Variants in PROCR observed in about 807,000 individuals in gnomAD.
PROCR encodes the protein protein C receptor.
A neutral mutation model predicts 24.2 loss-of-function variants in PROCR; 22 were observed. The ratio of observed to expected loss-of-function variants is 0.91; its 90% CI spans 0.65 to 1.30. The LOEUF (loss-of-function observed/expected upper bound fraction) is 1.30, where lower values mean the gene tolerates loss of function less well. PROCR is among the 50% of genes most tolerant of loss of function. The probability of loss-of-function intolerance (pLI) is 0.00; values close to 1 mark genes in which losing one functional copy is unlikely to be tolerated. For missense variants in PROCR, 288 were observed against 307.7 expected, an observed-to-expected ratio of 0.94 and a Z score of 0.48; for synonymous variants, 137 against 139.2, an observed-to-expected ratio of 0.98 and a Z score of 0.11.
At position 35,173,698 on chromosome 20, in the gene PROCR, G is replaced by T. The variant is rs187788466; in HGVS notation, c.71-1004G>T. On this transcript the variant is annotated intron_variant, in intron 1 of 3. Transcript: ENST00000216968. Reference sequence around the variant, plus strand: ...GCCCGCCTCGGCCTCCCAAAGTACTGGGATTACAGGCATGAGCCACCGCGC... The same window carrying T: ...GCCCGCCTCGGCCTCCCAAAGTACTTGGATTACAGGCATGAGCCACCGCGC... 2.5e-3 allele frequency among the ~76,000 whole-genome samples: 373 copies of T among 152,110 alleles called. 1 individual carries two copies. The highest frequency in any genetic ancestry group is 8.6e-3 in the African/African-American group (359 of 41,510).
At chr20:35,189,274 G>A (rs1006489858) in intron 1 of PROCR, among the ~76,000 whole-genome samples, 1 of 141,264 alleles carries the variant, frequency 7.1e-6, no homozygotes, top group Non-Finnish European at 1.6e-5. Flanking sequence ...CCGGGGGGGG[G>A]CCTCTAAAAT....
chr20:35,205,908 C>T (rs981360537), intron 1 of PROCR, among the ~76,000 whole-genome samples: 1 of 136,050 alleles, frequency 7.4e-6, no homozygotes, highest in African/African-American at 2.7e-5. Context: ...CTCCGGTGAT[C>T]CCCCCCCCAA....
chr20:35,193,296 C>A (rs2086189709), intron 1 of PROCR, among the ~76,000 whole-genome samples: 2 of 152,138 alleles, frequency 1.3e-5, no homozygotes, highest in Non-Finnish European at 2.9e-5. Flanking sequence ...CTGCCACAGC[C>A]CCCCGAGTAG....
rs767268282 is a variant in PROCR at position 35,176,816 on chromosome 20, A to C, written c.*3A>C. On this transcript the variant is annotated 3_prime_UTR_variant, in exon 4 of 4. Transcript: ENST00000216968. ...GCACAGGTGGACGGCGATGTTAATTACTCTCCAGCCCCCTCAGAAGGGGCT... is the reference window on the plus strand; with the variant it reads ...GCACAGGTGGACGGCGATGTTAATTCCTCTCCAGCCCCCTCAGAAGGGGCT... 1.6e-5 allele frequency: 26 copies of C among 1,613,190 alleles called. No individual in the cohort carries two copies. The highest frequency in any genetic ancestry group is 2.0e-5 in the Non-Finnish European group (24 of 1,179,766).
intron 1 of PROCR, among the ~76,000 whole-genome samples, chr20:35,193,527 C>T (rs2086191543): frequency 6.6e-6 from 1 of 152,164 alleles, no homozygotes; most frequent in African/African-American, 2.4e-5. Context: ...ACTTTGTGAA[C>T]ATTCACTAAG....
At chr20:35,209,169 G>C (rs1320044688) in intron 1 of PROCR, among the ~76,000 whole-genome samples, 1 of 152,124 alleles carries the variant, frequency 6.6e-6, no homozygotes, top group Non-Finnish European at 1.5e-5. Context: ...ATGTAGCCTG[G>C]TCTGGAGGCT....
At chr20:35,215,774 C>T in intron 1 of PROCR, 1 of 682,290 alleles carries the variant, frequency 1.5e-6, no homozygotes. Context: ...AGGTAAATTG[C>T]TTTTCATTGA....
At chr20:35,193,982 G>A (rs2086195075) in intron 1 of PROCR, among the ~76,000 whole-genome samples, 1 of 152,190 alleles carries the variant, frequency 6.6e-6, no homozygotes, top group Non-Finnish European at 1.5e-5. Flanking sequence ...AAACTGAGTA[G>A]CCAGTGAGGT....
At chr20:35,187,015 A>G (rs1274554629) in intron 1 of PROCR, among the ~76,000 whole-genome samples, 1 of 151,800 alleles carries the variant, frequency 6.6e-6, no homozygotes, top group Non-Finnish European at 1.5e-5. Context: ...AAAACATGTT[A>G]ACAATTAGGT....
chr20:35,189,670 G>A (rs1380620123), intron 1 of PROCR, among the ~76,000 whole-genome samples: 1 of 152,068 alleles, frequency 6.6e-6, no homozygotes, highest in Non-Finnish European at 1.5e-5. Context: ...GCCGACATGT[G>A]ATGTCTCCCC....
rs575907950 is a variant in PROCR, at chr20:35,186,540, T to A, written c.94+10094T>A. Among the ~76,000 whole-genome samples, 8 of 129,898 alleles carry A rather than the reference T, an allele frequency of 6.2e-5. No homozygotes were observed. The East Asian group carries it at 1.5e-3, about 25-fold the overall frequency. 85.2% of individuals were successfully genotyped at this position (129,898 alleles called of 152,430 possible). On this transcript the variant is annotated intron_variant, in intron 1 of 1. Coordinates refer to the PROCR transcript ENST00000634509. ...AAGATCGCGCCATTGCACTCCAGCC[T>A]GGGCAACAAGAGTGAAACTCCATCT...
intron 1 of PROCR, among the ~76,000 whole-genome samples, chr20:35,191,631 GA>G (rs577663211): frequency 1.7e-3 from 253 of 152,282 alleles, no homozygotes; most frequent in African/African-American, 5.9e-3. Flanking sequence ...GTGGCCAGGG[GA>G]AGAACAAGCC....
chr20:35,186,965 G>GA lies in PROCR; in HGVS notation c.94+10528dup, dbSNP rs538928078. The stretch of plus-strand genomic sequence containing the variant: ...AAGACTCTGTCTCAAAAAAAAAAAA[G>GA]AAAAAAAAATAGCAATAGCTGTTTA... On this transcript the variant is annotated intron_variant, in intron 1 of 1. Coordinates refer to the PROCR transcript ENST00000634509. Among the ~76,000 whole-genome samples the GA allele has an allele frequency of 6.0e-3, 889 of 149,318 alleles. 8 individuals carry two copies. Among genetic ancestry groups the GA allele is most frequent in the Non-Finnish European group, 0.01 (675 of 67,056 alleles).
At chr20:35,206,658 G>A (rs944515007) in intron 1 of PROCR, among the ~76,000 whole-genome samples, 2 of 151,934 alleles carry the variant, frequency 1.3e-5, no homozygotes, top group South Asian at 4.2e-4. Context: ...CCACAGTAAG[G>A]TATGTCTATA....
Position 35,174,826 on chromosome 20 carries a change from C to T in PROCR, c.195C>T (p.Thr65=), listed in dbSNP as rs548817476. 12 of 1,614,038 alleles carry T rather than the reference C, an allele frequency of 7.4e-6. No homozygotes were observed. In the East Asian group the frequency reaches 1.6e-4, roughly 21 times the overall value. ...THVLEGPDTN[T]TIIQLQPLQE... ...TGCTGGAAGGCCCAGACACCAACAC[C>T]ACGATCATTCAGCTGCAGCCCTTGC... Residue 65 remains threonine (T), a synonymous_variant, in exon 2 of 4, where the codon ACC becomes ACT. Transcript: ENST00000216968.
intron 1 of PROCR, among the ~76,000 whole-genome samples, chr20:35,207,613 T>A (rs1283582608): frequency 6.6e-6 from 1 of 152,084 alleles, no homozygotes; most frequent in Non-Finnish European, 1.5e-5. Context: ...CACTGCAACC[T>A]CTGCCTCCCA....
chr20:35,175,891 C>T (rs570295953), intron 2 of PROCR, among the ~76,000 whole-genome samples: 83 of 150,354 alleles, frequency 5.5e-4, no homozygotes, highest in African/African-American at 2.0e-3. Context: ...GCCCCAGCCT[C>T]ACCCCCTGTT....
At position 35,176,765 on chromosome 20, in the gene PROCR, T is replaced by A. The variant is rs1342461574; in HGVS notation, c.669T>A (p.Ala223=). The A allele has an allele frequency of 2.5e-6, 4 of 1,613,904 alleles. No homozygotes were observed. In the Admixed American group the frequency reaches 5.0e-5, roughly 20 times the overall value. ...TCCTGGTGGGCAGTTTCATCATTGC[T>A]GGTGTGGCTGTAGGCATCTTCCTGT... ...LGVLVGSFII[A]GVAVGIFLCT... The change falls in exon 4 of 4, where the codon GCT becomes GCA. Residue 223 remains alanine (A), a synonymous_variant. Transcript: ENST00000216968.
chr20:35,197,108 C>A (rs919430236), intron 1 of PROCR, among the ~76,000 whole-genome samples: 1 of 152,124 alleles, frequency 6.6e-6, no homozygotes, highest in Non-Finnish European at 1.5e-5. Context: ...TCTGGTAATT[C>A]TTGCAGTATT....
Sources: allele counts gnomAD v4.1 joint callset (sites outside exome capture counted in the v4.1 genomes callset), GRCh38; gene constraint gnomAD v4.1.1; transcripts MANE v1.5; gene names NCBI Gene and HGNC (gene_info 2026-07-23, HGNC 2026-07-21).